ZNF516: variants seen among roughly 807,000 people sequenced by gnomAD.
ZNF516 encodes the protein zinc finger protein 516.
In ZNF516, 19 loss-of-function variants were observed where a neutral mutation model predicts 79.7. The observed-to-expected ratio is 0.24, with a 90% CI of 0.17 to 0.35. The LOEUF is 0.35. Ranked by LOEUF, ZNF516 falls within the 10% of genes least tolerant of loss-of-function variation. The pLI, the probability that ZNF516 is intolerant of heterozygous loss-of-function variation, is 1.00. For synonymous variants in ZNF516, 877 were observed against 739.5 expected (o/e 1.19, Z -3.02); for missense variants, 1,678 against 1,679.5 (o/e 1.00, Z 0.02).
intron 1 of ZNF516, among the ~76,000 whole-genome samples, chr18:76,477,844 AAG>A (rs1914265044): frequency 6.6e-6 from 1 of 152,032 alleles, no homozygotes; most frequent in Admixed American, 6.5e-5. Flanking sequence ...AAGATGCTTT[AAG>A]AAGCATCTTC....
At chr18:76,463,651 T>C (rs922476676) in intron 1 of ZNF516, among the ~76,000 whole-genome samples, 1 of 152,160 alleles carries the variant, frequency 6.6e-6, no homozygotes. Context: ...CATCTGCGTT[T>C]ACAAAACACA....
At chr18:76,453,938 T>A (rs1038202305) in intron 2 of ZNF516, among the ~76,000 whole-genome samples, 58 of 152,180 alleles carry the variant, frequency 3.8e-4, no homozygotes, top group African/African-American at 1.2e-3. Flanking sequence ...AAACACACAG[T>A]CCTATTTTCC....
intron 3 of ZNF516, among the ~76,000 whole-genome samples, chr18:76,422,962 C>T (rs1285197013): frequency 6.6e-6 from 1 of 152,182 alleles, no homozygotes. Flanking sequence ...GATGTACTCT[C>T]AATATCACAC....
At chr18:76,495,675 C>T (rs957689636), upstream of ZNF516, 1 of 1,182,040 alleles carries the variant, frequency 8.5e-7, no homozygotes, top group Admixed American at 3.5e-5. Context: ...TTTCCGCGCG[C>T]ACACGCGCAT....
chr18:76,395,634 G>A (rs1158637159), intron 3 of ZNF516, among the ~76,000 whole-genome samples: 3 of 151,980 alleles, frequency 2.0e-5, no homozygotes, highest in African/African-American at 7.3e-5. Context: ...TGGGTGCTGA[G>A]GTGGACATCC....
chr18:76,397,906 G>A (rs1267972545), intron 3 of ZNF516, among the ~76,000 whole-genome samples: 2 of 152,206 alleles, frequency 1.3e-5, no homozygotes, highest in African/African-American at 4.8e-5. Flanking sequence ...CTTGGAAGCT[G>A]TATTTTGATG....
chr18:76,430,602 T>C (rs768471030), intron 3 of ZNF516, among the ~76,000 whole-genome samples: 6 of 152,384 alleles, frequency 3.9e-5, no homozygotes, highest in Non-Finnish European at 7.3e-5. Flanking sequence ...CAAGCATGTA[T>C]GTAAGTTTTC....
intron 3 of ZNF516, 39 bp downstream of exon 3, chr18:76,441,206 G>C (rs769870852): frequency 2.5e-6 from 4 of 1,582,356 alleles, no homozygotes; most frequent in Non-Finnish European, 3.4e-6. Flanking sequence ...CCTGAGCCTG[G>C]GATCCCAGGA....
At position 76,379,355 on chromosome 18, in the gene ZNF516, G is replaced by C; in HGVS notation, c.2759C>G (p.Pro920Arg). 6.3e-7 allele frequency: 1 copy of C among 1,593,284 alleles called. No homozygotes were observed. The highest frequency in any genetic ancestry group is 8.6e-7 in the Non-Finnish European group (1 of 1,169,368). The change falls in exon 4 of 7, where the codon CCG becomes CGG. Residue 920 changes from proline (P) to arginine (R), a missense_variant. Pro to Arg is a moderately radical substitution (Grantham distance 103). This residue lies in a region of ZNF516 where 1,294 missense variants were observed against 1,248.3 expected (regional missense o/e 1.04). Transcript: ENST00000443185. ...GCTCCTGCTGAAGCCCCCGCCACCCGGGGCAGGCACCGGTTTGGAGCTAGC... is the reference window on the plus strand; with the variant it reads ...GCTCCTGCTGAAGCCCCCGCCACCCCGGGCAGGCACCGGTTTGGAGCTAGC... ...QEASSKPVPA[P>R]GGGGFSRSAT...
At chr18:76,364,091 G>A (rs775961986) in intron 6 of ZNF516, among the ~76,000 whole-genome samples, 9 of 152,216 alleles carry the variant, frequency 5.9e-5, no homozygotes, top group Non-Finnish European at 8.8e-5. Context: ...AAGGGCTAAC[G>A]TTTTATATTA....
chr18:76,402,519 C>T (rs2075245084), intron 3 of ZNF516, among the ~76,000 whole-genome samples: 1 of 152,222 alleles, frequency 6.6e-6, no homozygotes, highest in African/African-American at 2.4e-5. Context: ...CAAGTGGCCC[C>T]TCAGGGACCC....
chr18:76,455,710 T>C (rs940483595), intron 2 of ZNF516, among the ~76,000 whole-genome samples: 16 of 152,150 alleles, frequency 1.1e-4, no homozygotes, highest in African/African-American at 3.9e-4. Context: ...ATAAACTTAC[T>C]CTCAACAGGC....
At chr18:76,457,765 T>C (rs1360730983) in intron 2 of ZNF516, among the ~76,000 whole-genome samples, 1 of 152,186 alleles carries the variant, frequency 6.6e-6, no homozygotes, top group East Asian at 1.9e-4. Flanking sequence ...CACCACTGAC[T>C]TGGGTCTCAG....
intron 3 of ZNF516, among the ~76,000 whole-genome samples, chr18:76,402,936 G>T (rs1182516021): frequency 6.6e-6 from 1 of 152,236 alleles, no homozygotes; most frequent in East Asian, 1.9e-4. Flanking sequence ...GTGCCACAGA[G>T]TCGAAGCTAG....
chr18:76,412,268 C>T (rs1324888593), intron 3 of ZNF516, among the ~76,000 whole-genome samples: 1 of 152,214 alleles, frequency 6.6e-6, no homozygotes, highest in African/African-American at 2.4e-5. Flanking sequence ...GGGGAGAACA[C>T]CCTGGCGATG....
At chr18:76,406,450 G>A (rs1222616155) in intron 3 of ZNF516, among the ~76,000 whole-genome samples, 3 of 152,192 alleles carry the variant, frequency 2.0e-5, no homozygotes, top group African/African-American at 7.2e-5. Flanking sequence ...TGTAATCCCA[G>A]CTACTCAGGA....
At chr18:76,427,708 C>T (rs1599072135) in intron 3 of ZNF516, among the ~76,000 whole-genome samples, 1 of 152,060 alleles carries the variant, frequency 6.6e-6, no homozygotes, top group African/African-American at 2.4e-5. Context: ...ACCAACAGAA[C>T]GTATTCAAAA....
At chr18:76,428,531 G>A (rs997649520) in intron 3 of ZNF516, among the ~76,000 whole-genome samples, 6 of 152,140 alleles carry the variant, frequency 3.9e-5, no homozygotes, top group African/African-American at 9.7e-5. Context: ...CAGGCAAATA[G>A]AACAAGATCA....
intron 2 of ZNF516, among the ~76,000 whole-genome samples, chr18:76,457,990 T>C (rs1912834039): frequency 1.3e-5 from 2 of 152,210 alleles, no homozygotes; most frequent in South Asian, 4.1e-4. Flanking sequence ...ACTTTGCAGC[T>C]ACTTATTTGC....
Sources: allele counts gnomAD v4.1 joint callset (sites outside exome capture counted in the v4.1 genomes callset), GRCh38; gene constraint gnomAD v4.1.1; regional missense constraint gnomAD v4.1.1; transcripts MANE v1.5; gene names NCBI Gene and HGNC (gene_info 2026-07-23, HGNC 2026-07-21).